The following CDCA7L variants were observed in gnomAD, a reference collection of about 807,000 sequenced individuals.
The protein encoded by CDCA7L is cell division cycle associated 7 like.
Under a neutral mutation model 57.4 loss-of-function variants are expected in CDCA7L, and 44 were observed. The ratio of observed to expected loss-of-function variants is 0.77; its 90% CI spans 0.60 to 0.98. The LOEUF (loss-of-function observed/expected upper bound fraction) is 0.98. Among genes scored for constraint, CDCA7L ranks in the 50% least tolerant of loss-of-function variants. The probability of loss-of-function intolerance (pLI) is 0.00; values close to 1 mark genes in which losing one functional copy is unlikely to be tolerated. For missense variants in CDCA7L, 644 were observed against 580.6 expected (o/e 1.11, Z -1.12); for synonymous variants, 236 against 202.8 (o/e 1.16, Z -1.39).
At chr7:21,917,079 G>A (rs369849503) in intron 1 of CDCA7L, among the ~76,000 whole-genome samples, 185 bp from the exon 2 acceptor site, 4 of 152,188 alleles carry the variant, frequency 2.6e-5, no homozygotes, top group East Asian at 3.9e-4. Context: ...GGTGTGGGGT[G>A]GGTGGGGGAG....
chr7:21,938,184 T>C (rs1468778140), intron 1 of CDCA7L, among the ~76,000 whole-genome samples: 8 of 152,152 alleles, frequency 5.3e-5, no homozygotes, highest in Non-Finnish European at 8.8e-5. Flanking sequence ...ATCCAAGATA[T>C]ATAAATAACT....
intron 1 of CDCA7L, among the ~76,000 whole-genome samples, chr7:21,920,792 C>T (rs1388827545): frequency 6.6e-6 from 1 of 152,162 alleles, no homozygotes; most frequent in Non-Finnish European, 1.5e-5. Context: ...AGGAAAACAC[C>T]CAGACTAGAG....
chr7:21,904,666 T>C (rs1249031161), intron 7 of CDCA7L, among the ~76,000 whole-genome samples: 1 of 152,224 alleles, frequency 6.6e-6, no homozygotes, highest in African/African-American at 2.4e-5. Flanking sequence ...AGTTTCATCC[T>C]GAAACCATCC....
In CDCA7L at chr7:21,901,107, C is replaced by A; in HGVS notation, c.*1215G>T. The A allele has an allele frequency of 6.2e-7, 1 of 1,613,950 alleles. No individual in the cohort carries two copies. Among genetic ancestry groups the A allele is most frequent in the Non-Finnish European group, 8.5e-7 (1 of 1,179,860 alleles). ...TCTTTGCAAAAGCCACCCCCGTGGA[C>A]AGACAAGAAACCAAACAGACCTACG... On this transcript the variant is annotated 3_prime_UTR_variant, in exon 10 of 10. Transcript: ENST00000406877.
At chr7:21,907,943 A>G (rs769652109) in intron 4 of CDCA7L, among the ~76,000 whole-genome samples, 187 bp downstream of exon 4, 7 of 152,248 alleles carry the variant, frequency 4.6e-5, no homozygotes, top group Non-Finnish European at 1.0e-4. Flanking sequence ...TTCCCAAACC[A>G]GAGCTGATCA....
Position 21,923,022 on chromosome 7 carries a change from C to T in CDCA7L, c.25-6128G>A, listed in dbSNP as rs528985301. On this transcript the variant is annotated intron_variant, in intron 1 of 9. Coordinates refer to ENST00000406877, the MANE Select transcript of CDCA7L (RefSeq NM_018719.5). ...GCCAGATGCTGAGGGGAGGGAGAAA[C>T]GTGGAGTTACTGTTTAATGGATACA... Among the ~76,000 whole-genome samples, 12 of 152,156 alleles carry T rather than the reference C, an allele frequency of 7.9e-5. No homozygotes were observed. The South Asian group carries it at 2.5e-3, about 32-fold the overall frequency.
Position 21,902,313 on chromosome 7 carries a change from G to GTTTTCCTCTTAA in CDCA7L, c.1362_*8dup. ...TATGGTGAGGTGGCTGGTTCTGTTT[G>GTTTTCCTCTTAA]TTTTCCTCTTAATTGTCTTCTACCA... is the stretch of plus-strand genomic sequence containing the variant. On this transcript the variant is annotated 3_prime_UTR_variant, in exon 10 of 10. Transcript: ENST00000406877. 6.2e-7 allele frequency: 1 copy of GTTTTCCTCTTAA among 1,613,864 alleles called. No homozygotes were observed. Among genetic ancestry groups the GTTTTCCTCTTAA allele is most frequent in the Non-Finnish European group, 8.5e-7 (1 of 1,179,792 alleles).
At chr7:21,910,998 T>G (rs1030442273) in intron 3 of CDCA7L, among the ~76,000 whole-genome samples, 10 of 148,086 alleles carry the variant, frequency 6.8e-5, no homozygotes, top group Admixed American at 1.4e-4. Context: ...TAAGGAACTC[T>G]TGAGATAATT....
chr7:21,901,325 C>G lies in CDCA7L; in HGVS notation c.*997G>C, dbSNP rs1293637016. The G allele has an allele frequency of 3.0e-5, 43 of 1,435,810 alleles. No individual in the cohort carries two copies. The highest frequency in any genetic ancestry group is 3.2e-5 in the Non-Finnish European group (35 of 1,084,902). 88.9% of individuals were successfully genotyped at this position (1,435,810 alleles called of 1,614,324 possible). ...TTTTCTAGCATGTTGCTGCACTGTT[C>G]CCATGCACATTATTCTAACTTTTTA... On this transcript the variant is annotated 3_prime_UTR_variant, in exon 10 of 10. Coordinates refer to ENST00000406877, the MANE Select transcript of CDCA7L (RefSeq NM_018719.5).
rs557286550 is a variant in CDCA7L at position 21,911,006 on chromosome 7, A to AT, written c.303+610dup. ...AGAGGTTTAAGGAACTCTTGAGATA[A>AT]TTTTTTTTTTTTTTTTTTTTTTTTT... On this transcript the variant is annotated intron_variant, in intron 3 of 9. Transcript: ENST00000406877. 1.6e-3 allele frequency among the ~76,000 whole-genome samples: 132 copies of AT among 82,520 alleles called. 13 individuals carry two copies. Among genetic ancestry groups the AT allele is most frequent in the Admixed American group, 1.8e-3 (11 of 6,134 alleles). The allele number at this position is 82,520 out of a possible 152,430, so 54.1% of individuals were successfully genotyped here.
Position 21,901,843 on chromosome 7 carries a change from C to T in CDCA7L, c.*479G>A, listed in dbSNP as rs1784885792. On this transcript the variant is annotated 3_prime_UTR_variant, in exon 10 of 10. Coordinates refer to ENST00000406877, the MANE Select transcript of CDCA7L (RefSeq NM_018719.5). Reference sequence around the variant, plus strand: ...AATAAAACTGTTCTACAGTTAATTGCACTTTGTTCAGTGTAAATTTCCAAT... The same window carrying T: ...AATAAAACTGTTCTACAGTTAATTGTACTTTGTTCAGTGTAAATTTCCAAT... 2 of 173,264 alleles carry T rather than the reference C, an allele frequency of 1.2e-5. No individual in the cohort carries two copies. Among genetic ancestry groups the T allele is most frequent in the Non-Finnish European group, 2.5e-5 (2 of 79,874 alleles). The allele number at this position is 173,264 out of a possible 1,614,324, so 10.7% of individuals were successfully genotyped here.
At chr7:21,905,255 C>G (rs1438119096) in intron 7 of CDCA7L, among the ~76,000 whole-genome samples, 1 of 152,012 alleles carries the variant, frequency 6.6e-6, no homozygotes, top group East Asian at 1.9e-4. Flanking sequence ...ATAAAAATCC[C>G]TTTTAAACTA....
intron 9 of CDCA7L, 68 bp downstream of exon 9, chr7:21,902,910 C>G: frequency 8.0e-6 from 12 of 1,507,680 alleles, no homozygotes; most frequent in Non-Finnish European, 1.1e-5. Flanking sequence ...AACTACTTGC[C>G]CAGAGGGTCT....
At chr7:21,932,562 T>C (rs987162446) in intron 1 of CDCA7L, among the ~76,000 whole-genome samples, 36 of 152,250 alleles carry the variant, frequency 2.4e-4, no homozygotes, top group African/African-American at 8.0e-4. Flanking sequence ...AAGGATTCCC[T>C]ATTTAATAAA....
rs1047743618 is a variant in CDCA7L at position 21,922,559 on chromosome 7, G to A, written c.25-5665C>T. 6.6e-5 allele frequency among the ~76,000 whole-genome samples: 10 copies of A among 152,150 alleles called. 1 individual carries two copies. The highest frequency in any genetic ancestry group is 2.0e-4 in the Admixed American group (3 of 15,280). On this transcript the variant is annotated intron_variant, in intron 1 of 9. Coordinates refer to ENST00000406877, the MANE Select transcript of CDCA7L (RefSeq NM_018719.5). The stretch of plus-strand genomic sequence containing the variant: ...TCAAACTTGTTCAGGGAACATGCAC[G>A]GTGGAACTCATAGGGCTCTGTGGGA...
intron 2 of CDCA7L, among the ~76,000 whole-genome samples, chr7:21,914,589 G>A (rs1785426191): frequency 6.6e-6 from 1 of 152,186 alleles, no homozygotes; most frequent in Non-Finnish European, 1.5e-5. Context: ...CAGAACAGTG[G>A]ATAATGAGAG....
chr7:21,901,365 C>A lies in CDCA7L; in HGVS notation c.*957G>T. ...CTAACTTTTTAGTAACTCACACGTG[C>A]ATTCTTTTTTCAACGCTATCCTTAG... On this transcript the variant is annotated 3_prime_UTR_variant, in exon 10 of 10. Coordinates refer to ENST00000406877, the MANE Select transcript of CDCA7L (RefSeq NM_018719.5). 2.9e-6 allele frequency: 4 copies of A among 1,357,648 alleles called. No individual in the cohort carries two copies. Among genetic ancestry groups the A allele is most frequent in the Non-Finnish European group, 3.8e-6 (4 of 1,040,614 alleles). The allele number at this position is 1,357,648 out of a possible 1,614,324, so 84.1% of individuals were successfully genotyped here.
chr7:21,945,732 A>G (rs1458253180), intron 1 of CDCA7L, 49 bp downstream of exon 1: 1 of 1,600,412 alleles, frequency 6.2e-7, no homozygotes, highest in South Asian at 1.1e-5. Flanking sequence ...GGCAAAGGGA[A>G]GTCAAACTGT....
chr7:21,941,062 C>A (rs1325460037), intron 1 of CDCA7L, among the ~76,000 whole-genome samples: 1 of 152,132 alleles, frequency 6.6e-6, no homozygotes, highest in Non-Finnish European at 1.5e-5. Context: ...AACAATGTGT[C>A]AGAGGCTCCT....
Sources: allele counts gnomAD v4.1 joint callset (sites outside exome capture counted in the v4.1 genomes callset), GRCh38; gene constraint gnomAD v4.1.1; transcripts MANE v1.5; gene names NCBI Gene and HGNC (gene_info 2026-07-23, HGNC 2026-07-21).